SIAH1: variants seen among roughly 807,000 people sequenced by gnomAD.
SIAH1 encodes the protein siah E3 ubiquitin protein ligase 1.
A neutral mutation model predicts 20.0 loss-of-function variants in SIAH1; 2 were observed. That is an observed-to-expected ratio of 0.10 (90% CI 0.04 to 0.31). The LOEUF (loss-of-function observed/expected upper bound fraction) is 0.31, where lower values mean the gene tolerates loss of function less well. Ranked by LOEUF, SIAH1 falls within the 10% of genes least tolerant of loss-of-function variation. SIAH1 has a pLI of 1.00. For synonymous variants in SIAH1, 118 were observed against 125.3 expected, an observed-to-expected ratio of 0.94 and a Z score of 0.39; for missense variants, 119 against 355.3, an observed-to-expected ratio of 0.33 and a Z score of 5.35.
chr16:48,384,871 C>T (rs918691307), intron 1 of SIAH1, among the ~76,000 whole-genome samples: 1 of 145,798 alleles, frequency 6.9e-6, no homozygotes, highest in African/African-American at 2.5e-5. Context: ...CCGGGCCCGC[C>T]TCCCGGGCGC....
At chr16:48,375,400 G>A (rs898314924) in intron 1 of SIAH1, among the ~76,000 whole-genome samples, 2 of 152,220 alleles carry the variant, frequency 1.3e-5, no homozygotes, top group Non-Finnish European at 2.9e-5. Context: ...GCAACTTTGG[G>A]AGGCTGAGAC....
At chr16:48,365,791 A>G in intron 1 of SIAH1, 1 of 1,335,918 alleles carries the variant, frequency 7.5e-7, no homozygotes, top group Non-Finnish European at 9.6e-7. Context: ...TTCACTGGGT[A>G]GGGTCCTGCC....
chr16:48,378,215 T>A (rs1450211923), intron 1 of SIAH1, among the ~76,000 whole-genome samples: 2 of 152,068 alleles, frequency 1.3e-5, no homozygotes, highest in Non-Finnish European at 2.9e-5. Flanking sequence ...TAGCCAAGTG[T>A]GGTGGTGCAT....
In SIAH1 at chr16:48,362,813, C is replaced by G. The variant is rs1960650336; in HGVS notation, c.-2-383G>C. The G allele has an allele frequency of 1.0e-5, 2 of 199,022 alleles. No homozygotes were observed. The highest frequency in any genetic ancestry group is 2.4e-5 in the African/African-American group (1 of 41,670). The allele number at this position is 199,022 out of a possible 1,614,324, so 12.3% of individuals were successfully genotyped here. A position where few individuals can be genotyped will look rare whatever the true frequency, so the allele number is the denominator to read the frequency against. ...TAGGACTCTCCCTGAGGCTCCCTTA[C>G]TCTATTTCTTTCTAATTTGGAGTCA... On this transcript the variant is annotated intron_variant, in intron 1 of 1. Coordinates refer to ENST00000394725, the MANE Select transcript of SIAH1 (RefSeq NM_003031.4). The surrounding 1 kb of genome is among the most constrained non-coding windows in gnomAD (Gnocchi z 4.2).
At chr16:48,370,805 CA>C (rs79073186) in intron 1 of SIAH1, among the ~76,000 whole-genome samples, 92 of 125,272 alleles carry the variant, frequency 7.3e-4, no homozygotes, top group Middle Eastern at 4.3e-3. Flanking sequence ...GACTCCATCT[CA>C]AAAAAAAAAA....
At chr16:48,363,940 C>CTTTTTT (rs565145479) in intron 1 of SIAH1, 17 of 64,674 alleles carry the variant, frequency 2.6e-4, no homozygotes, top group Non-Finnish European at 4.3e-4. Flanking sequence ...AAGCCATAAT[C>CTTTTTT]TTTTTTTTTT....
At chr16:48,370,180 C>A (rs1281930065) in intron 1 of SIAH1, among the ~76,000 whole-genome samples, 3 of 152,232 alleles carry the variant, frequency 2.0e-5, no homozygotes, top group Non-Finnish European at 4.4e-5. Flanking sequence ...AGCAAGCCAA[C>A]AGAGACTGAT....
At chr16:48,386,730 C>T (rs530616534), upstream of SIAH1, among the ~76,000 whole-genome samples, 40 of 152,258 alleles carry the variant, frequency 2.6e-4, no homozygotes, top group Middle Eastern at 3.4e-3. Flanking sequence ...GTAAATTTTC[C>T]ATTTTTACAG....
intron 1 of SIAH1, among the ~76,000 whole-genome samples, chr16:48,370,238 C>T (rs986370379): frequency 6.6e-6 from 1 of 152,196 alleles, no homozygotes; most frequent in Non-Finnish European, 1.5e-5. Context: ...GGAAGAGCCA[C>T]ATAAATTCTT....
At chr16:48,365,298 T>C (rs982078893) in intron 1 of SIAH1, 1 of 1,366,120 alleles carries the variant, frequency 7.3e-7, no homozygotes, top group African/African-American at 1.4e-5. Flanking sequence ...TCGATTCTGC[T>C]GCAGCCATTC....
chr16:48,381,025 G>A (rs1201841752), intron 1 of SIAH1, among the ~76,000 whole-genome samples: 1 of 151,434 alleles, frequency 6.6e-6, no homozygotes, highest in Non-Finnish European at 1.5e-5. Context: ...TTCATTGCTT[G>A]TAGGAATGCA....
intron 1 of SIAH1, among the ~76,000 whole-genome samples, chr16:48,372,839 G>A (rs1280657117): frequency 6.6e-6 from 1 of 152,186 alleles, no homozygotes; most frequent in Non-Finnish European, 1.5e-5. Context: ...CAGCCTGACA[G>A]TATCCAATAT....
intron 1 of SIAH1, among the ~76,000 whole-genome samples, chr16:48,372,020 CACAG>C (rs904351846): frequency 1.3e-5 from 2 of 151,678 alleles, no homozygotes; most frequent in Middle Eastern, 3.2e-3. Flanking sequence ...CACACACACA[CACAG>C]AGAAAAAAAT....
At position 48,362,129 on chromosome 16, in the gene SIAH1, A is replaced by G. The variant is rs1960618903; in HGVS notation, c.300T>C (p.Tyr100=). Residue 100 remains tyrosine, a synonymous_variant, in exon 2 of 2, where the codon TAT becomes TAC. Coordinates refer to ENST00000394725, the MANE Select transcript of SIAH1 (RefSeq NM_003031.4). The surrounding 1 kb of genome is among the most constrained non-coding windows in gnomAD (Gnocchi z 4.2). ...VANSVLFPCK[Y]ASSGCEITLP... The stretch of plus-strand genomic sequence containing the variant: ...GAGTTATTTCACATCCAGAAGACGC[A>G]TATTTACAGGGGAAAAGTACTGAAT... 1.9e-6 allele frequency: 3 copies of G among 1,614,224 alleles called. No individual in the cohort carries two copies. Among genetic ancestry groups the G allele is most frequent in the Non-Finnish European group, 8.5e-7 (1 of 1,180,038 alleles).
chr16:48,377,647 G>A (rs1022502895), intron 1 of SIAH1, among the ~76,000 whole-genome samples: 1 of 151,898 alleles, frequency 6.6e-6, no homozygotes, highest in Non-Finnish European at 1.5e-5. Context: ...CACCAGCCTC[G>A]GCCTCCCCAA....
chr16:48,364,045 G>C (rs970973160), intron 1 of SIAH1, among the ~76,000 whole-genome samples: 1 of 145,702 alleles, frequency 6.9e-6, no homozygotes, highest in African/African-American at 2.6e-5. Flanking sequence ...TGCCTCCCAG[G>C]TTCAAGCAAT....
At position 48,371,944 on chromosome 16, in the gene SIAH1, C is replaced by T. The variant is rs544028646; in HGVS notation, c.-2-9514G>A. ...AAAATTCATGGTACCTAGTTCTACA[C>T]TCTACCATATAATTCATTCAACTTC... On this transcript the variant is annotated intron_variant, in intron 1 of 1. Transcript: ENST00000394725. 1.4e-3 allele frequency among the ~76,000 whole-genome samples: 219 copies of T among 152,262 alleles called. 1 individual carries two copies. Among genetic ancestry groups the T allele is most frequent in the African/African-American group, 5.1e-3 (211 of 41,562 alleles).
intron 1 of SIAH1, among the ~76,000 whole-genome samples, chr16:48,375,475 T>C (rs1961085119): frequency 1.3e-5 from 2 of 151,990 alleles, no homozygotes. Context: ...CTGTTTCTAC[T>C]AAAAATACAA....
intron 1 of SIAH1, among the ~76,000 whole-genome samples, chr16:48,381,010 G>T (rs60745528): frequency 6.7e-6 from 1 of 148,864 alleles, no homozygotes; most frequent in Non-Finnish European, 1.5e-5. Flanking sequence ...CAACAGGAAC[G>T]CTCATTCATT....
Sources: gnomAD v4.1 joint callset for allele counts (sites outside exome capture counted in the v4.1 genomes callset) on GRCh38, gnomAD v4.1.1 for gene constraint, Gnocchi (gnomAD v3.1) non-coding constraint, MANE v1.5 for transcripts, NCBI Gene and HGNC (gene_info 2026-07-23, HGNC 2026-07-21) for gene names.